The following RIPOR3 variants were observed in gnomAD, a reference collection of about 807,000 sequenced individuals.
The protein encoded by RIPOR3 is RIPOR family member 3, also known as family with sequence similarity 65 member C.
A neutral mutation model predicts 114.3 loss-of-function variants in RIPOR3; 95 were observed. The observed-to-expected ratio is 0.83, with a 90% CI of 0.70 to 0.99. The LOEUF is 0.99. Ranked by LOEUF, RIPOR3 falls within the 50% of genes least tolerant of loss-of-function variation. The probability of loss-of-function intolerance (pLI) is 0.00; values close to 1 mark genes in which losing one functional copy is unlikely to be tolerated. For synonymous variants in RIPOR3, 575 were observed against 543.8 expected (o/e 1.06, Z -0.80); for missense variants, 1,252 against 1,266.9 (o/e 0.99, Z 0.18).
chr20:50,685,848 T>C (rs1435657428), intron 1 of RIPOR3, among the ~76,000 whole-genome samples: 2 of 149,194 alleles, frequency 1.3e-5, no homozygotes. Flanking sequence ...CCTCCTCTTC[T>C]AGGACTTCTG....
At chr20:50,676,171 T>C (rs760716481) in intron 1 of RIPOR3, among the ~76,000 whole-genome samples, 4 of 152,218 alleles carry the variant, frequency 2.6e-5, no homozygotes, top group Non-Finnish European at 2.9e-5. Flanking sequence ...GCAAGGGCTC[T>C]GGCCACAGAT....
intron 17 of RIPOR3, among the ~76,000 whole-genome samples, chr20:50,593,910 C>G (rs760980297): frequency 1.3e-5 from 2 of 152,002 alleles, no homozygotes; most frequent in African/African-American, 2.4e-5. Flanking sequence ...CTGCCTGCCT[C>G]CCTTCCCATA....
At chr20:50,682,612 A>ATATGTGTGTGTGTGTGTGTGTGTGTG (rs145272267) in intron 1 of RIPOR3, among the ~76,000 whole-genome samples, 53 of 146,792 alleles carry the variant, frequency 3.6e-4, no homozygotes, top group Non-Finnish European at 6.6e-4. Flanking sequence ...GTCTCAAAAT[A>ATATGTGTGTGTGTGTGTGTGTGTGTG]TGTGTGTGTG....
chr20:50,601,870 A>T (rs1000078272), intron 13 of RIPOR3, among the ~76,000 whole-genome samples: 1 of 152,104 alleles, frequency 6.6e-6, no homozygotes, highest in Non-Finnish European at 1.5e-5. Flanking sequence ...GAACTCTTAA[A>T]ATCTTCCTGA....
At chr20:50,627,109 A>G (rs1205921002) in intron 2 of RIPOR3, among the ~76,000 whole-genome samples, 2 of 151,126 alleles carry the variant, frequency 1.3e-5, no homozygotes. Context: ...TTGAACCTGG[A>G]AGGTGGAGCT....
intron 4 of RIPOR3, 61 bp downstream of exon 4, chr20:50,615,941 G>A: frequency 6.7e-7 from 1 of 1,488,502 alleles, no homozygotes; most frequent in Non-Finnish European, 9.2e-7. Context: ...GGAACGCAGG[G>A]TTCATCTTTT....
At position 50,620,102 on chromosome 20, in the gene RIPOR3, C is replaced by T. The variant is rs777185893; in HGVS notation, c.153G>A (p.Ser51=). Residue 51 remains serine (S), a synonymous_variant, in exon 3 of 22, where the codon TCG becomes TCA. Transcript: ENST00000327979. The part of the protein sequence containing the change: ...AKSINRNSVR[S]RMPAKSSKMY... ...TCTTGGAGGATTTTGCAGGCATTCG[C>T]GATCTCACGGAGTTCCTGTTGATGG... 17 of 1,614,066 alleles carry T rather than the reference C, an allele frequency of 1.1e-5. 1 individual carries two copies. Among genetic ancestry groups the T allele is most frequent in the Middle Eastern group, 3.3e-4 (2 of 6,062 alleles).
intron 1 of RIPOR3, among the ~76,000 whole-genome samples, chr20:50,641,301 A>G (rs2085185675): frequency 1.4e-5 from 2 of 148,124 alleles, no homozygotes; most frequent in South Asian, 4.3e-4. Flanking sequence ...TGCAGCCTTG[A>G]CCTCCTGGGT....
chr20:50,587,873 T>G lies in RIPOR3; in HGVS notation c.2681A>C (p.Gln894Pro). The change falls in exon 21 of 22, where the codon CAG becomes CCG. Residue 894 changes from glutamine to proline, a missense_variant. Transcript: ENST00000327979. ...GTCAGACTGGCACAGGCTGGCAGTCTGGTCGATGCTTTCAATGCCCTGTTC... is the reference window on the plus strand; with the variant it reads ...GTCAGACTGGCACAGGCTGGCAGTCGGGTCGATGCTTTCAATGCCCTGTTC... ...KHLKGIESID[Q>P]TASLCQSDLE... 1 of 1,614,164 alleles carries G rather than the reference T, an allele frequency of 6.2e-7. No individual in the cohort carries two copies.
chr20:50,655,703 G>C (rs898134175), intron 1 of RIPOR3, among the ~76,000 whole-genome samples: 2 of 147,358 alleles, frequency 1.4e-5, no homozygotes, highest in African/African-American at 2.5e-5. Flanking sequence ...GTGTGTGTGT[G>C]TCCACAGCAC....
At chr20:50,594,524 A>C (rs2083222939) in intron 17 of RIPOR3, 29 bp downstream of exon 17, 1 of 1,599,762 alleles carries the variant, frequency 6.3e-7, no homozygotes, top group South Asian at 1.1e-5. Flanking sequence ...TTTCTGTGGG[A>C]GGGGACGACA....
chr20:50,663,928 T>C (rs866317584), intron 1 of RIPOR3, among the ~76,000 whole-genome samples: 180 of 46,286 alleles, frequency 3.9e-3, no homozygotes, highest in African/African-American at 5.6e-3. Flanking sequence ...TCTCTCTCTT[T>C]TTTTTTTTTT....
At chr20:50,662,953 G>T (rs1173184164) in intron 1 of RIPOR3, among the ~76,000 whole-genome samples, 1 of 152,094 alleles carries the variant, frequency 6.6e-6, no homozygotes, top group Non-Finnish European at 1.5e-5. Flanking sequence ...AAATTAGCCA[G>T]ATTGTCATAG....
chr20:50,677,540 T>C (rs2123578883), intron 1 of RIPOR3, among the ~76,000 whole-genome samples: 1 of 151,802 alleles, frequency 6.6e-6, no homozygotes, highest in East Asian at 1.9e-4. Context: ...CCTGGCTAAT[T>C]TTTGTATTTT....
At chr20:50,684,256 A>G (rs996794218) in intron 1 of RIPOR3, among the ~76,000 whole-genome samples, 4 of 152,162 alleles carry the variant, frequency 2.6e-5, no homozygotes, top group African/African-American at 4.8e-5. Context: ...TTAAATGGAG[A>G]GTCAGGATGG....
At chr20:50,641,460 G>T (rs1425483854) in intron 1 of RIPOR3, among the ~76,000 whole-genome samples, 3 of 152,202 alleles carry the variant, frequency 2.0e-5, no homozygotes, top group Non-Finnish European at 4.4e-5. Context: ...ATAGCTCACT[G>T]CAGCCTCCAA....
intron 8 of RIPOR3, 114 bp from the exon 9 acceptor site, chr20:50,609,069 G>T: frequency 7.0e-7 from 1 of 1,436,616 alleles, no homozygotes; most frequent in Non-Finnish European, 9.5e-7. Context: ...GTGGGGTGAG[G>T]ATGGGGGGGA....
At chr20:50,589,794 A>G (rs1388029171) in intron 19 of RIPOR3, 25 bp from the exon 20 acceptor site, 2 of 1,604,718 alleles carry the variant, frequency 1.2e-6, no homozygotes, top group African/African-American at 2.7e-5. Flanking sequence ...GAGGCTGTGA[A>G]TGGAGGGGTA....
chr20:50,592,881 A>G (rs1323061625), intron 18 of RIPOR3, among the ~76,000 whole-genome samples, 154 bp downstream of exon 18: 4 of 152,212 alleles, frequency 2.6e-5, no homozygotes, highest in African/African-American at 9.6e-5. Flanking sequence ...ATCAGCCCCC[A>G]TCGGCTGAAC....
Sources: allele counts gnomAD v4.1 joint callset (sites outside exome capture counted in the v4.1 genomes callset), GRCh38; gene constraint gnomAD v4.1.1; transcripts MANE v1.5; gene names NCBI Gene and HGNC (gene_info 2026-07-23, HGNC 2026-07-21).